GRID1: variants seen among roughly 807,000 people sequenced by gnomAD.
GRID1 encodes glutamate receptor ionotropic, delta-1.
In GRID1, 28 loss-of-function variants were observed where a neutral mutation model predicts 98.0. The observed-to-expected ratio is 0.29, with a 90% CI of 0.21 to 0.39. The LOEUF is 0.39. GRID1 is among the 10% of genes least tolerant of loss of function. The probability of loss-of-function intolerance (pLI) is 1.00; values close to 1 mark genes in which losing one functional copy is unlikely to be tolerated. For missense variants in GRID1, 1,111 were observed against 1,340.5 expected (o/e 0.83, Z 2.67); for synonymous variants, 553 against 538.5 (o/e 1.03, Z -0.37).
chr10:85,706,067 T>C (rs868371172), intron 12 of GRID1, among the ~76,000 whole-genome samples: 45 of 152,146 alleles, frequency 3.0e-4, no homozygotes, highest in Non-Finnish European at 4.7e-4. Flanking sequence ...AGGGATGCCC[T>C]CTCTCACCAC....
At chr10:85,617,909 C>T (rs1842810397) in intron 14 of GRID1, among the ~76,000 whole-genome samples, 2 of 152,258 alleles carry the variant, frequency 1.3e-5, no homozygotes, top group South Asian at 4.1e-4. Context: ...GAAACACACA[C>T]CCCATGTTGG....
At chr10:85,650,606 T>C (rs538297037) in intron 12 of GRID1, among the ~76,000 whole-genome samples, 37 of 152,186 alleles carry the variant, frequency 2.4e-4, no homozygotes, top group African/African-American at 8.7e-4. Flanking sequence ...ATATGAGATA[T>C]ATTAAAATAC....
At chr10:85,739,264 T>A (rs1271933259) in intron 8 of GRID1, among the ~76,000 whole-genome samples, 2 of 151,822 alleles carry the variant, frequency 1.3e-5, no homozygotes, top group African/African-American at 2.4e-5. Context: ...TTGGCAAGGA[T>A]GATAAGAGAA....
intron 2 of GRID1, among the ~76,000 whole-genome samples, chr10:86,277,382 G>C (rs1323656335): frequency 6.6e-6 from 1 of 152,156 alleles, no homozygotes; most frequent in African/African-American, 2.4e-5. Flanking sequence ...ACTCAAAGCT[G>C]CATGAAGGAA....
At chr10:85,976,031 A>G (rs1299134252) in intron 4 of GRID1, among the ~76,000 whole-genome samples, 1 of 152,090 alleles carries the variant, frequency 6.6e-6, no homozygotes, top group Non-Finnish European at 1.5e-5. Context: ...TTACCAGCTC[A>G]TCACGGGGTG....
chr10:85,785,730 T>C (rs1842421828), intron 8 of GRID1, among the ~76,000 whole-genome samples: 1 of 152,054 alleles, frequency 6.6e-6, no homozygotes, highest in Non-Finnish European at 1.5e-5. Context: ...CACCCAACTT[T>C]ACCACCACAG....
intron 12 of GRID1, among the ~76,000 whole-genome samples, chr10:85,711,982 T>TATA (rs1299587480): frequency 6.6e-6 from 1 of 151,432 alleles, no homozygotes; most frequent in Non-Finnish European, 1.5e-5. Flanking sequence ...CTACTAAGAA[T>TATA]ATAATAATAA....
At chr10:86,013,225 A>T (rs1334889550) in intron 4 of GRID1, among the ~76,000 whole-genome samples, 1 of 152,228 alleles carries the variant, frequency 6.6e-6, no homozygotes, top group East Asian at 1.9e-4. Flanking sequence ...GTGAGGGCTA[A>T]TAAGGCCAAA....
chr10:85,800,048 A>G (rs1479149124), intron 8 of GRID1, among the ~76,000 whole-genome samples: 1 of 152,092 alleles, frequency 6.6e-6, no homozygotes, highest in Non-Finnish European at 1.5e-5. Flanking sequence ...ATAGAAAATC[A>G]CTACAGAATG....
chr10:86,119,473 G>A (rs1844634296), intron 4 of GRID1, among the ~76,000 whole-genome samples: 1 of 152,168 alleles, frequency 6.6e-6, no homozygotes, highest in Admixed American at 6.5e-5. Flanking sequence ...AAAACTGGGT[G>A]TGGGGTATAT....
At chr10:86,000,827 C>T (rs1316497873) in intron 4 of GRID1, among the ~76,000 whole-genome samples, 1 of 152,164 alleles carries the variant, frequency 6.6e-6, no homozygotes, top group African/African-American at 2.4e-5. Context: ...GTTAAATACA[C>T]ACTTACCATA....
intron 4 of GRID1, among the ~76,000 whole-genome samples, chr10:85,950,334 T>C (rs191674102): frequency 6.9e-4 from 105 of 152,162 alleles, no homozygotes; most frequent in Middle Eastern, 3.4e-3. Flanking sequence ...GGCAAGAACA[T>C]TGAGAGAAAG....
chr10:85,642,024 C>G (rs959324043), intron 13 of GRID1, among the ~76,000 whole-genome samples: 4 of 152,168 alleles, frequency 2.6e-5, no homozygotes, highest in Non-Finnish European at 4.4e-5. Flanking sequence ...TGCCTGTGTG[C>G]TATGAGATGA....
At chr10:85,717,170 C>G (rs79904265) in intron 12 of GRID1, among the ~76,000 whole-genome samples, 4,900 of 152,224 alleles carry the variant, frequency 0.032, 124 homozygotes, top group Middle Eastern at 0.048. Flanking sequence ...TGTTACTTAG[C>G]TTCATTTTAG....
chr10:85,631,823 A>T (rs1271748578), intron 13 of GRID1, among the ~76,000 whole-genome samples: 2 of 152,198 alleles, frequency 1.3e-5, no homozygotes, highest in Non-Finnish European at 2.9e-5. Flanking sequence ...TTACAAAGGG[A>T]AAAGAATACA....
intron 5 of GRID1, among the ~76,000 whole-genome samples, chr10:85,915,677 CACAT>C (rs1245520555): frequency 2.0e-5 from 3 of 151,772 alleles, no homozygotes; most frequent in African/African-American, 4.9e-5. Flanking sequence ...TACACAAACA[CACAT>C]ACACACTCAC....
intron 4 of GRID1, among the ~76,000 whole-genome samples, chr10:85,944,495 C>T (rs1842031017): frequency 6.6e-6 from 1 of 152,104 alleles, no homozygotes; most frequent in South Asian, 2.1e-4. Flanking sequence ...GTGACAATAG[C>T]TATTAAAACT....
chr10:86,039,776 CA>C (rs2131898177), intron 4 of GRID1, among the ~76,000 whole-genome samples: 1 of 152,272 alleles, frequency 6.6e-6, no homozygotes, highest in African/African-American at 2.4e-5. Flanking sequence ...GTCTCAGCTC[CA>C]AAACAGGTCT....
intron 2 of GRID1, among the ~76,000 whole-genome samples, chr10:86,262,059 A>G (rs1847024398): frequency 6.6e-6 from 1 of 152,176 alleles, no homozygotes; most frequent in Admixed American, 6.5e-5. Flanking sequence ...GTCCAGCGTA[A>G]CACAGCCAGG....
Sources: allele counts gnomAD v4.1 joint callset (sites outside exome capture counted in the v4.1 genomes callset), GRCh38; gene constraint gnomAD v4.1.1; transcripts MANE v1.5; gene names NCBI Gene and HGNC (gene_info 2026-07-23, HGNC 2026-07-21).